Variants in MYCBP2 observed in about 807,000 individuals in gnomAD.
The protein encoded by MYCBP2 is E3 ubiquitin-protein ligase MYCBP2.
In MYCBP2, 120 loss-of-function variants were observed where a neutral mutation model predicts 525.3. That is an observed-to-expected ratio of 0.23 (90% CI 0.20 to 0.27). MYCBP2 has a LOEUF of 0.27. Ranked by LOEUF, MYCBP2 falls within the 10% of genes least tolerant of loss-of-function variation. The pLI is 1.00. For missense variants in MYCBP2, 4,149 were observed against 5,657.1 expected (o/e 0.73, Z 8.55); for synonymous variants, 1,894 against 1,955.8 (o/e 0.97, Z 0.83).
chr13:77,192,793 T>C (rs1383525110), intron 27 of MYCBP2, among the ~76,000 whole-genome samples: 2 of 152,146 alleles, frequency 1.3e-5, no homozygotes, highest in African/African-American at 4.8e-5. Context: ...TCTCTATAAA[T>C]GAAACTGTGC....
At chr13:77,096,956 A>G (rs547754459) in intron 56 of MYCBP2, among the ~76,000 whole-genome samples, 1 of 152,206 alleles carries the variant, frequency 6.6e-6, no homozygotes, top group Non-Finnish European at 1.5e-5. Context: ...GTCTTCTGAT[A>G]AAACAATATC....
rs1424187627 is a variant in MYCBP2, at chr13:77,260,586, C to T, written c.1859G>A (p.Ser620Asn). 2 of 1,589,934 alleles carry T rather than the reference C, an allele frequency of 1.3e-6. No homozygotes were observed. The highest frequency in any genetic ancestry group is 2.7e-5 in the African/African-American group (2 of 72,898). Residue 620 changes from serine (S) to asparagine (N), a missense_variant, in exon 13 of 83, where the codon AGC becomes AAC. This residue lies in a region of MYCBP2 where 262 missense variants were observed against 419.3 expected (regional missense o/e 0.62). Coordinates refer to ENST00000544440, the MANE Select transcript of MYCBP2 (RefSeq NM_015057.5). ...SKGEDGESTK[S>N]RRQSKPYKPK... ...TTTATAAGGTTTGGATTGCCGTCTG[C>T]TCTTAGCTTTAAAAAAGAAATTAGA... is the stretch of plus-strand genomic sequence containing the variant.
intron 10 of MYCBP2, among the ~76,000 whole-genome samples, chr13:77,262,516 T>C (rs1168284495): frequency 6.6e-6 from 1 of 152,040 alleles, no homozygotes; most frequent in Non-Finnish European, 1.5e-5. Context: ...ACTATACCAC[T>C]TGGTTTACAA....
At chr13:77,247,647 G>A (rs963386839) in intron 15 of MYCBP2, among the ~76,000 whole-genome samples, 4 of 152,054 alleles carry the variant, frequency 2.6e-5, no homozygotes, top group Non-Finnish European at 4.4e-5. Flanking sequence ...CAAAGTACTC[G>A]GTTTTGACTT....
At chr13:77,177,651 G>T in intron 35 of MYCBP2, 97 bp downstream of exon 35, 1 of 976,148 alleles carries the variant, frequency 1.0e-6, no homozygotes, top group Non-Finnish European at 1.6e-6. Flanking sequence ...TCATTCATCA[G>T]TGATTGATCT....
chr13:77,163,899 T>C (rs1370146500), intron 43 of MYCBP2, among the ~76,000 whole-genome samples: 1 of 152,210 alleles, frequency 6.6e-6, no homozygotes, highest in African/African-American at 2.4e-5. Flanking sequence ...CTTCACTGAC[T>C]GTTCCTTCAC....
chr13:77,135,129 T>G (rs544567442), intron 52 of MYCBP2, among the ~76,000 whole-genome samples: 2 of 152,310 alleles, frequency 1.3e-5, no homozygotes, highest in African/African-American at 4.8e-5. Flanking sequence ...TAGAAAAGGT[T>G]GAAGAGATAG....
In MYCBP2 at chr13:77,161,970, A is replaced by C. The variant is rs1280845811; in HGVS notation, c.6548-15T>G. 6.4e-7 allele frequency: 1 copy of C among 1,574,668 alleles called. No individual in the cohort carries two copies. Reference sequence around the variant, plus strand: ...TAATTCATTACCTGTTGTGTAAATAAAGAGTTTTACTAAAATATGTCAATA... The same window carrying C: ...TAATTCATTACCTGTTGTGTAAATACAGAGTTTTACTAAAATATGTCAATA... On this transcript the variant is annotated splice_polypyrimidine_tract_variant and intron_variant, in intron 43 of 82. Coordinates refer to ENST00000544440, the MANE Select transcript of MYCBP2 (RefSeq NM_015057.5).
chr13:77,213,358 C>T (rs138164811), intron 21 of MYCBP2, among the ~76,000 whole-genome samples: 2 of 152,118 alleles, frequency 1.3e-5, no homozygotes, highest in Middle Eastern at 3.4e-3. Flanking sequence ...GCCTGTAATC[C>T]CAGCTACTCA....
At chr13:77,145,973 T>C (rs2055470470) in intron 48 of MYCBP2, among the ~76,000 whole-genome samples, 189 bp downstream of exon 48, 3 of 152,038 alleles carry the variant, frequency 2.0e-5, no homozygotes, top group South Asian at 4.1e-4. Flanking sequence ...ATATTGGCAG[T>C]ATTACAGTTG....
intron 26 of MYCBP2, among the ~76,000 whole-genome samples, chr13:77,199,424 C>A (rs1322561719): frequency 2.0e-5 from 3 of 152,208 alleles, no homozygotes; most frequent in Non-Finnish European, 4.4e-5. Context: ...GCTAGCACAG[C>A]AGTCTGAGAT....
rs1379373857 is a variant in MYCBP2, at chr13:77,093,269, A to G, written c.10263T>C (p.Tyr3421=). Residue 3421 remains tyrosine, a synonymous_variant, in exon 59 of 83, where the codon TAT becomes TAC. Coordinates refer to ENST00000544440, the MANE Select transcript of MYCBP2 (RefSeq NM_015057.5). The part of the protein sequence containing the change: ...DDNLFQDEMR[Y]LRSTSVPAPY... ...GGGCAGGTACAGATGTTGAACGTAG[A>G]TATCTCATTTCATCCTGGAATAGAT... is the stretch of plus-strand genomic sequence containing the variant. 4 of 1,613,532 alleles carry G rather than the reference A, an allele frequency of 2.5e-6. No individual in the cohort carries two copies. In the Admixed American group the frequency reaches 5.0e-5, roughly 20 times the overall value.
intron 5 of MYCBP2, 84 bp from the exon 6 acceptor site, chr13:77,270,622 C>T: frequency 6.2e-6 from 8 of 1,297,916 alleles, no homozygotes; most frequent in Non-Finnish European, 8.4e-6. Flanking sequence ...AATACATCAT[C>T]ATTCATAAGA....
chr13:77,162,037 CT>C (rs1001934118), intron 43 of MYCBP2, 82 bp from the exon 44 acceptor site: 7 of 942,318 alleles, frequency 7.4e-6, no homozygotes, highest in Admixed American at 2.5e-5. Flanking sequence ...ATTCATTACA[CT>C]TTTTTTAAAA....
At position 77,144,546 on chromosome 13, in the gene MYCBP2, A is replaced by G. The variant is rs759457170; in HGVS notation, c.7202T>C (p.Met2401Thr). Residue 2401 changes from methionine to threonine, a missense_variant, in exon 49 of 83, where the codon ATG (methionine) becomes ACG (threonine). Coordinates refer to ENST00000544440, the MANE Select transcript of MYCBP2 (RefSeq NM_015057.5). ...CCCATCATTATTGACACGGATCAGC[A>G]TATTCTCACTGGGTCTGAAAAGAAA... is the stretch of plus-strand genomic sequence containing the variant. ...SPTPKRPSEN[M>T]LIRVNNDGTY... 1 of 1,612,424 alleles carries G rather than the reference A, an allele frequency of 6.2e-7. No homozygotes were observed. The highest frequency in any genetic ancestry group is 8.5e-7 in the Non-Finnish European group (1 of 1,178,518).
At position 77,168,650 on chromosome 13, in the gene MYCBP2, G is replaced by A. The variant is rs2058788498; in HGVS notation, c.5896-4C>T. On this transcript the variant is annotated splice_polypyrimidine_tract_variant and splice_region_variant and intron_variant, in intron 39 of 82. Coordinates refer to ENST00000544440, the MANE Select transcript of MYCBP2 (RefSeq NM_015057.5). ...GGCCAAAGACTTCTACAGCCACCTAGTACACATATAAAAATATGGTTAAAT... is the reference window on the plus strand; with the variant it reads ...GGCCAAAGACTTCTACAGCCACCTAATACACATATAAAAATATGGTTAAAT... 31 of 1,613,438 alleles carry A rather than the reference G, an allele frequency of 1.9e-5. No homozygotes were observed. The East Asian group carries it at 6.2e-4, about 32-fold the overall frequency.
chr13:77,200,198 G>A (rs1363592755), intron 26 of MYCBP2, among the ~76,000 whole-genome samples: 4 of 152,100 alleles, frequency 2.6e-5, no homozygotes, highest in Non-Finnish European at 5.9e-5. Flanking sequence ...AGTGCTTAAA[G>A]GAGCTGATGG....
chr13:77,284,909 A>C (rs1240888391), intron 3 of MYCBP2, among the ~76,000 whole-genome samples: 1 of 152,204 alleles, frequency 6.6e-6, no homozygotes, highest in Non-Finnish European at 1.5e-5. Context: ...AGTGTCACAT[A>C]GCTAGTAATT....
chr13:77,121,442 C>A lies in MYCBP2; in HGVS notation c.8071G>T (p.Val2691Leu). 1 of 1,595,514 alleles carries A rather than the reference C, an allele frequency of 6.3e-7. No homozygotes were observed. The highest frequency in any genetic ancestry group is 8.6e-7 in the Non-Finnish European group (1 of 1,167,474). The change falls in exon 55 of 83, where the codon GTG becomes TTG. Residue 2691 changes from valine to leucine, a missense_variant. By Grantham distance (32) the Val-to-Leu change is conservative. This residue lies in a region of MYCBP2 where 653 missense variants were observed against 744.7 expected (regional missense o/e 0.88). Transcript: ENST00000544440. Reference sequence around the variant, plus strand: ...CTTGCCCCTTTATTAAAAGCTTGCACTGAGAAAGGGCTTGGAGGAGGAGTT... The same window carrying A: ...CTTGCCCCTTTATTAAAAGCTTGCAATGAGAAAGGGCTTGGAGGAGGAGTT... ...SQTPPPSPFS[V>L]QAFNKGASCS...
Sources: gnomAD v4.1 joint callset for allele counts (sites outside exome capture counted in the v4.1 genomes callset) on GRCh38, gnomAD v4.1.1 for gene constraint, gnomAD v4.1.1 regional missense constraint, MANE v1.5 for transcripts, NCBI Gene and HGNC (gene_info 2026-07-23, HGNC 2026-07-21) for gene names.